The following DENND5A variants were observed in gnomAD, a reference collection of about 807,000 sequenced individuals.
DENND5A encodes the protein DENN domain-containing protein 5A.
DENND5A carries 64 observed loss-of-function variants against 140.3 expected under a neutral mutation model. The observed-to-expected ratio is 0.46, with a 90% confidence interval of 0.37 to 0.56. The LOEUF (loss-of-function observed/expected upper bound fraction) is 0.56, where lower values mean the gene tolerates loss of function less well. Ranked by LOEUF, DENND5A falls within the 20% of genes least tolerant of loss-of-function variation. The probability of loss-of-function intolerance (pLI) is 0.00; values close to 1 mark genes in which losing one functional copy is unlikely to be tolerated. For missense variants in DENND5A, 1,292 were observed against 1,593.8 expected, an observed-to-expected ratio of 0.81 and a Z score of 3.22; for synonymous variants, 605 against 607.7, an observed-to-expected ratio of 1.00 and a Z score of 0.07.
chr11:9,188,187 G>A (rs1019422551), intron 5 of DENND5A, among the ~76,000 whole-genome samples: 6 of 152,202 alleles, frequency 3.9e-5, no homozygotes, highest in African/African-American at 1.4e-4. Context: ...CAAGAGATCT[G>A]ATGGTTTTAT....
In DENND5A at chr11:9,145,039, C is replaced by T. The variant is rs760223414; in HGVS notation, c.3078G>A (p.Val1026=). The change falls in exon 18 of 23, where the codon GTG becomes GTA. Residue 1026 remains valine, a synonymous_variant. Transcript: ENST00000328194. ...DNSGLYAKWL[V]EYVMVRNEIT... is the part of the protein sequence containing the mutation. ...TCTCATTCCTGACCATCACATACTCCACCAGCCATTTGGCATACAGCCCAG... is the reference window on the plus strand; with the variant it reads ...TCTCATTCCTGACCATCACATACTCTACCAGCCATTTGGCATACAGCCCAG... 14 of 1,614,170 alleles carry T rather than the reference C, an allele frequency of 8.7e-6. No homozygotes were observed. The East Asian group carries it at 2.0e-4, about 23-fold the overall frequency.
At chr11:9,180,727 C>A in intron 6 of DENND5A, 40 bp downstream of exon 6, 1 of 1,587,838 alleles carries the variant, frequency 6.3e-7, no homozygotes, top group Non-Finnish European at 8.6e-7. Flanking sequence ...AGCACCCTAG[C>A]ACAGATCACA....
chr11:9,264,428 T>G (rs1277381766), intron 1 of DENND5A, among the ~76,000 whole-genome samples: 2 of 152,158 alleles, frequency 1.3e-5, no homozygotes, highest in Admixed American at 6.5e-5. Flanking sequence ...CCAAGTTCAC[T>G]TTATTACTTC....
intron 8 of DENND5A, among the ~76,000 whole-genome samples, chr11:9,177,485 CA>C (rs538149647): frequency 0.29 from 40,948 of 143,272 alleles, 5,747 homozygotes; most frequent in African/African-American, 0.31. Context: ...CTTGTCTCCA[CA>C]AAAAAAAAAA....
At chr11:9,227,975 T>C (rs183217679) in intron 1 of DENND5A, among the ~76,000 whole-genome samples, 114 of 151,724 alleles carry the variant, frequency 7.5e-4, no homozygotes, top group African/African-American at 2.6e-3. Flanking sequence ...TAGCCGGGCA[T>C]GGTGGTGCAT....
chr11:9,209,937 C>T (rs1483056276), intron 1 of DENND5A, among the ~76,000 whole-genome samples: 1 of 152,022 alleles, frequency 6.6e-6, no homozygotes, highest in Non-Finnish European at 1.5e-5. Flanking sequence ...GAAACCCCAT[C>T]TCTACTAAAA....
chr11:9,233,809 T>C (rs79093621), intron 1 of DENND5A, among the ~76,000 whole-genome samples: 8,930 of 152,204 alleles, frequency 0.059, 365 homozygotes, highest in South Asian at 0.1. Context: ...ATTTCTGTCC[T>C]CCAAAACTGT....
At chr11:9,261,351 A>T (rs555751285) in intron 1 of DENND5A, among the ~76,000 whole-genome samples, 7 of 152,280 alleles carry the variant, frequency 4.6e-5, no homozygotes, top group African/African-American at 1.4e-4. Flanking sequence ...ACCTGGCTAC[A>T]AATTACAATT....
At position 9,170,786 on chromosome 11, in the gene DENND5A, G is replaced by A; in HGVS notation, c.1907-9C>T. The A allele has an allele frequency of 6.2e-7, 1 of 1,605,612 alleles. No homozygotes were observed. Among genetic ancestry groups the A allele is most frequent in the East Asian group, 2.2e-5 (1 of 44,796 alleles). On this transcript the variant is annotated splice_polypyrimidine_tract_variant and intron_variant, in intron 8 of 22. Coordinates refer to ENST00000328194, the MANE Select transcript of DENND5A (RefSeq NM_015213.4). ...CAGCTCAATTGCTTTCTCTGGATGAGAATACACACACACACACACACACAC... is the reference window on the plus strand; with the variant it reads ...CAGCTCAATTGCTTTCTCTGGATGAAAATACACACACACACACACACACAC...
At chr11:9,241,263 T>C (rs928411887) in intron 1 of DENND5A, among the ~76,000 whole-genome samples, 1 of 152,214 alleles carries the variant, frequency 6.6e-6, no homozygotes, top group African/African-American at 2.4e-5. Flanking sequence ...GCCAAAACTG[T>C]GGTTCTCAAA....
intron 5 of DENND5A, among the ~76,000 whole-genome samples, chr11:9,184,247 G>A (rs1265196358): frequency 6.6e-6 from 1 of 152,050 alleles, no homozygotes; most frequent in Non-Finnish European, 1.5e-5. Flanking sequence ...CAGCTACTTG[G>A]AAGGCTGAGG....
rs141972067 is a variant in DENND5A at position 9,244,200 on chromosome 11, C to T, written c.109+20761G>A. ...GGATGTTGGTTTAGCAGATGATACT[C>T]CTAAATTTCTATTGTATTTCTGCTG... On this transcript the variant is annotated intron_variant, in intron 1 of 22. Transcript: ENST00000328194. 1.3e-3 allele frequency among the ~76,000 whole-genome samples: 200 copies of T among 152,186 alleles called. 2 individuals are homozygous for T. The highest frequency in any genetic ancestry group is 0.01 in the Middle Eastern group (3 of 294).
At chr11:9,223,231 G>GA (rs957037472) in intron 1 of DENND5A, among the ~76,000 whole-genome samples, 9 of 148,338 alleles carry the variant, frequency 6.1e-5, no homozygotes, top group East Asian at 2.0e-4. Context: ...TTTACCAAAA[G>GA]AAAAAAAAAA....
intron 1 of DENND5A, among the ~76,000 whole-genome samples, chr11:9,231,382 G>T (rs1850762813): frequency 6.6e-6 from 1 of 152,164 alleles, no homozygotes; most frequent in African/African-American, 2.4e-5. Flanking sequence ...GGACCACCCA[G>T]CAGCCTCTTC....
intron 1 of DENND5A, among the ~76,000 whole-genome samples, chr11:9,214,432 AT>A (rs1850006122): frequency 6.6e-6 from 1 of 152,222 alleles, no homozygotes. Flanking sequence ...TTTCATTACT[AT>A]CAGCACTTTT....
At chr11:9,253,952 G>T (rs1379345957) in intron 1 of DENND5A, among the ~76,000 whole-genome samples, 1 of 152,040 alleles carries the variant, frequency 6.6e-6, no homozygotes, top group Non-Finnish European at 1.5e-5. Context: ...GAGGTCTGGA[G>T]TTCAAGACCA....
intron 8 of DENND5A, among the ~76,000 whole-genome samples, chr11:9,172,501 G>C (rs1024144359): frequency 6.6e-6 from 1 of 152,172 alleles, no homozygotes; most frequent in Non-Finnish European, 1.5e-5. Flanking sequence ...TGGTGGGAGG[G>C]ACCCAGTGGG....
Position 9,170,672 on chromosome 11 carries a change from G to A in DENND5A, c.2012C>T (p.Pro671Leu). 2 of 1,613,854 alleles carry A rather than the reference G, an allele frequency of 1.2e-6. No individual in the cohort carries two copies. The highest frequency in any genetic ancestry group is 1.7e-6 in the Non-Finnish European group (2 of 1,180,002). ...GQGKYEPGFF[P>L]KLQSDVLSTG... ...GGAAAGTACATCAGACTGCAGCTTAGGGAAGAAGCCCGGCTCATATTTCCC... is the reference window on the plus strand; with the variant it reads ...GGAAAGTACATCAGACTGCAGCTTAAGGAAGAAGCCCGGCTCATATTTCCC... Residue 671 changes from proline to leucine, a missense_variant, in exon 9 of 23, where the codon CCT (proline) becomes CTT (leucine). Physicochemically the swap from Pro to Leu is moderately conservative, Grantham distance 98 (BLOSUM62 -3). Transcript: ENST00000328194.
At chr11:9,186,940 C>G (rs918043976) in intron 5 of DENND5A, among the ~76,000 whole-genome samples, 3 of 152,096 alleles carry the variant, frequency 2.0e-5, no homozygotes, top group Non-Finnish European at 4.4e-5. Flanking sequence ...AAAAATTAGC[C>G]AGGCATTGCG....
Sources: allele counts gnomAD v4.1 joint callset (sites outside exome capture counted in the v4.1 genomes callset), GRCh38; gene constraint gnomAD v4.1.1; transcripts MANE v1.5; gene names NCBI Gene and HGNC (gene_info 2026-07-23, HGNC 2026-07-21).